NLGN1: variants seen among roughly 807,000 people sequenced by gnomAD.
NLGN1 encodes the protein neuroligin-1.
NLGN1 carries 12 observed loss-of-function variants against 65.5 expected under a neutral mutation model. The ratio of observed to expected loss-of-function variants is 0.18; its 90% CI spans 0.12 to 0.30. The LOEUF (loss-of-function observed/expected upper bound fraction) is 0.30, where lower values mean the gene tolerates loss of function less well. NLGN1 is among the 10% of genes least tolerant of loss of function. The pLI is 1.00. For missense variants in NLGN1, 750 were observed against 1,007.1 expected (o/e 0.74, Z 3.46); for synonymous variants, 350 against 359.5 (o/e 0.97, Z 0.30).
At chr3:173,846,954 C>T (rs1725905833) in intron 4 of NLGN1, among the ~76,000 whole-genome samples, 1 of 152,154 alleles carries the variant, frequency 6.6e-6, no homozygotes, top group Admixed American at 6.5e-5. Flanking sequence ...TAAATATCTC[C>T]TTGATGTATC....
At chr3:174,275,267 T>G in intron 4 of NLGN1, 48 bp from the exon 5 acceptor site, 2 of 1,396,358 alleles carry the variant, frequency 1.4e-6, no homozygotes, top group Non-Finnish European at 2.0e-6. Context: ...TGATGTCTAT[T>G]TGATTCACGT....
exon 3 of NLGN1, chr3:173,604,676 T>G: frequency 6.2e-7 from 1 of 1,613,710 alleles, no homozygotes. Context: ...GGGGATTGGG[T>G]GCCCCATTGA....
At chr3:173,535,447 C>T (rs1044158239) in intron 2 of NLGN1, among the ~76,000 whole-genome samples, 1 of 152,168 alleles carries the variant, frequency 6.6e-6, no homozygotes, top group African/African-American at 2.4e-5. Context: ...AAGTAGCGTG[C>T]ATTCTGTCTC....
chr3:173,413,153 G>A (rs1712949900), intron 1 of NLGN1, among the ~76,000 whole-genome samples: 1 of 151,714 alleles, frequency 6.6e-6, no homozygotes, highest in Non-Finnish European at 1.5e-5. Context: ...GGGAAGCGAT[G>A]GACTAAGGAA....
intron 4 of NLGN1, among the ~76,000 whole-genome samples, chr3:173,977,627 G>A (rs1467767334): frequency 1.3e-5 from 2 of 151,932 alleles, no homozygotes; most frequent in African/African-American, 2.4e-5. Flanking sequence ...TGGAAGTCTA[G>A]TGGTGCTATT....
At chr3:173,590,346 T>C (rs1748260964) in intron 2 of NLGN1, among the ~76,000 whole-genome samples, 1 of 152,164 alleles carries the variant, frequency 6.6e-6, no homozygotes, top group Non-Finnish European at 1.5e-5. Flanking sequence ...TGTTTAACTG[T>C]GCCAAGTGTT....
intron 3 of NLGN1, among the ~76,000 whole-genome samples, chr3:173,670,058 ATTATCT>A (rs1263648132): frequency 2.6e-5 from 4 of 152,206 alleles, no homozygotes; most frequent in Admixed American, 6.5e-5. Flanking sequence ...TTATTTCAAA[ATTATCT>A]TTAAGCTGAT....
At chr3:173,747,839 G>A (rs1690426975) in intron 3 of NLGN1, among the ~76,000 whole-genome samples, 3 of 96,934 alleles carry the variant, frequency 3.1e-5, no homozygotes, top group Admixed American at 1.3e-4. Flanking sequence ...TTTGAGACAG[G>A]GTCTTACTCT....
At chr3:173,794,502 A>G (rs1471703129) in intron 3 of NLGN1, among the ~76,000 whole-genome samples, 1 of 152,128 alleles carries the variant, frequency 6.6e-6, no homozygotes, top group Non-Finnish European at 1.5e-5. Flanking sequence ...TGTTCTCACC[A>G]GACTCCTGCT....
At chr3:174,252,309 C>T (rs1371770625) in intron 4 of NLGN1, among the ~76,000 whole-genome samples, 1 of 151,866 alleles carries the variant, frequency 6.6e-6, no homozygotes, top group Admixed American at 6.6e-5. Context: ...AGATTTTTGC[C>T]ATCATGTTTC....
intron 3 of NLGN1, among the ~76,000 whole-genome samples, chr3:173,775,516 G>A (rs1780180708): frequency 6.6e-6 from 1 of 151,826 alleles, no homozygotes; most frequent in Non-Finnish European, 1.5e-5. Flanking sequence ...TCCTGCATGA[G>A]ATTCTTCAAA....
intron 4 of NLGN1, among the ~76,000 whole-genome samples, chr3:173,988,804 A>G (rs1024325129): frequency 7.2e-5 from 11 of 151,978 alleles, no homozygotes; most frequent in African/African-American, 2.4e-5. Flanking sequence ...TTCTTATTAA[A>G]TGTCCACTTC....
chr3:173,620,142 G>C (rs1753747301), intron 3 of NLGN1, among the ~76,000 whole-genome samples: 1 of 152,114 alleles, frequency 6.6e-6, no homozygotes, highest in South Asian at 2.1e-4. Context: ...TCTGACAACA[G>C]TATAAATGAT....
At chr3:173,407,569 A>G (rs1007800301) in intron 1 of NLGN1, among the ~76,000 whole-genome samples, 1 of 152,234 alleles carries the variant, frequency 6.6e-6, no homozygotes, top group Admixed American at 6.5e-5. Flanking sequence ...AACTGATAAA[A>G]AAGGGGAGTC....
At chr3:173,589,274 C>G (rs1001338937) in intron 2 of NLGN1, among the ~76,000 whole-genome samples, 1 of 152,158 alleles carries the variant, frequency 6.6e-6, no homozygotes, top group Non-Finnish European at 1.5e-5. Flanking sequence ...TATTAGTTCA[C>G]TTGTGACAGG....
chr3:174,229,656 C>T (rs1740339230), intron 4 of NLGN1, among the ~76,000 whole-genome samples: 1 of 152,112 alleles, frequency 6.6e-6, no homozygotes, highest in South Asian at 2.1e-4. Context: ...AGGATTTGCT[C>T]AACTTCCTTA....
At chr3:173,807,629 T>C in intron 3 of NLGN1, 51 bp from the exon 4 acceptor site, 1 of 1,583,050 alleles carries the variant, frequency 6.3e-7, no homozygotes, top group Non-Finnish European at 8.6e-7. Flanking sequence ...CTCTGCTTCA[T>C]TGTGTGTTAT....
chr3:173,880,052 C>T (rs1732918349), intron 4 of NLGN1, among the ~76,000 whole-genome samples: 2 of 152,036 alleles, frequency 1.3e-5, no homozygotes, highest in Non-Finnish European at 2.9e-5. Flanking sequence ...TCTTTCTCAT[C>T]TTAAAAATAT....
intron 2 of NLGN1, among the ~76,000 whole-genome samples, chr3:173,490,791 C>A (rs1183895960): frequency 6.6e-6 from 1 of 152,044 alleles, no homozygotes; most frequent in Non-Finnish European, 1.5e-5. Context: ...TTGTAGTTCT[C>A]CTTGAAGAGG....
Sources: gnomAD v4.1 joint callset for allele counts (sites outside exome capture counted in the v4.1 genomes callset) on GRCh38, gnomAD v4.1.1 for gene constraint, MANE v1.5 for transcripts, NCBI Gene and HGNC (gene_info 2026-07-23, HGNC 2026-07-21) for gene names.